The following JADE3 variants were observed in gnomAD, a reference collection of about 807,000 sequenced individuals.
The protein encoded by JADE3 is protein Jade-3.
A neutral mutation model predicts 50.1 loss-of-function variants in JADE3; 2 were observed. That is an observed-to-expected ratio of 0.04 (90% CI 0.02 to 0.13). The LOEUF is 0.13. Ranked by LOEUF, JADE3 falls within the 10% of genes least tolerant of loss-of-function variation. JADE3 has a pLI of 1.00. For missense variants in JADE3, 475 were observed against 634.4 expected (o/e 0.75, Z 2.70); for synonymous variants, 218 against 232.9 (o/e 0.94, Z 0.58).
chrX:46,966,053 C>T (rs2147122446), intron 1 of JADE3, among the ~76,000 whole-genome samples: 1 of 112,002 alleles, frequency 8.9e-6, no homozygotes, highest in Non-Finnish European at 1.9e-5. Flanking sequence ...AAAATGACAG[C>T]TGAGATGGGA....
chrX:46,973,440 A>G (rs1415777537), intron 1 of JADE3, among the ~76,000 whole-genome samples: 8 of 112,573 alleles, frequency 7.1e-5, no homozygotes, highest in Admixed American at 3.8e-4. Context: ...AACTTCTGCT[A>G]TCTCTTTCAA....
chrX:46,980,161 C>T (rs1462547688), intron 1 of JADE3, among the ~76,000 whole-genome samples: 1 of 110,455 alleles, frequency 9.1e-6, no homozygotes, highest in African/African-American at 3.3e-5. Context: ...ATTACAGGTG[C>T]GAGCCACCAT....
intron 1 of JADE3, among the ~76,000 whole-genome samples, chrX:46,933,575 G>C (rs1393781545): frequency 1.8e-5 from 2 of 111,679 alleles, no homozygotes; most frequent in East Asian, 5.6e-4. Flanking sequence ...ATCCAGGTGT[G>C]ATTCCCATTC....
At chrX:47,055,736 G>A (rs1929620859) in intron 9 of JADE3, among the ~76,000 whole-genome samples, 1 of 112,109 alleles carries the variant, frequency 8.9e-6, no homozygotes, top group Non-Finnish European at 1.9e-5. Context: ...AGCCAGCATT[G>A]CCATCATTCG....
At chrX:47,003,939 G>A (rs1297723596) in intron 4 of JADE3, among the ~76,000 whole-genome samples, 1 of 103,016 alleles carries the variant, frequency 9.7e-6, no homozygotes, top group African/African-American at 3.5e-5. Context: ...TATAAATAAT[G>A]TGAGAGACAG....
At chrX:46,967,210 A>C (rs1556349249) in intron 1 of JADE3, among the ~76,000 whole-genome samples, 1 of 112,299 alleles carries the variant, frequency 8.9e-6, no homozygotes, top group African/African-American at 3.2e-5. Flanking sequence ...GATGAAATTA[A>C]ACTGCAGATT....
At chrX:46,919,608 C>T (rs1372986115) in intron 1 of JADE3, among the ~76,000 whole-genome samples, 3 of 111,583 alleles carry the variant, frequency 2.7e-5, no homozygotes, top group Non-Finnish European at 5.6e-5. Flanking sequence ...TTGTGAAGAT[C>T]TCAGAAGTAA....
intron 1 of JADE3, among the ~76,000 whole-genome samples, chrX:46,923,003 G>A (rs1373685972): frequency 1.8e-5 from 2 of 110,829 alleles, no homozygotes; most frequent in Admixed American, 9.6e-5. Flanking sequence ...GTTGGCCTGT[G>A]TTTTTTTGTT....
chrX:47,009,779 C>T (rs1191325883), intron 4 of JADE3, among the ~76,000 whole-genome samples: 3 of 108,851 alleles, frequency 2.8e-5, no homozygotes, highest in Non-Finnish European at 5.7e-5. Context: ...CGCACACCAC[C>T]GTACCTGGCT....
rs891848828 is a variant in JADE3 at position 47,053,479 on chromosome X, G to A, written c.973-679G>A. ...TCGCCATGTTGCCCAAGCTGGTCTCGAACTCCTGGCCTCAAGTGATCCACC... is the reference window on the plus strand; with the variant it reads ...TCGCCATGTTGCCCAAGCTGGTCTCAAACTCCTGGCCTCAAGTGATCCACC... On this transcript the variant is annotated intron_variant, in intron 8 of 10. Coordinates refer to ENST00000614628, the MANE Select transcript of JADE3 (RefSeq NM_014735.5). Among the ~76,000 whole-genome samples the A allele has an allele frequency of 1.2e-4, 13 of 110,690 alleles. No homozygotes were observed. The South Asian group carries it at 1.5e-3, about 13-fold the overall frequency.
rs1226507722 is a variant in JADE3, at chrX:47,006,703, G to A, written c.284+8426G>A. On this transcript the variant is annotated intron_variant, in intron 4 of 10. Transcript: ENST00000614628. ...GCTTTTTTCTCGTTTCTAGTGTTGA[G>A]AACTTAATTTATTGATTTGAAGCTG... Among the ~76,000 whole-genome samples the A allele has an allele frequency of 1.0e-4, 11 of 109,756 alleles. 1 individual carries two copies. The highest frequency in any genetic ancestry group is 8.8e-4 in the Admixed American group (9 of 10,214).
At chrX:47,047,777 C>T (rs1275098261) in intron 8 of JADE3, among the ~76,000 whole-genome samples, 1 of 111,607 alleles carries the variant, frequency 9.0e-6, no homozygotes, top group Non-Finnish European at 1.9e-5. Flanking sequence ...TAAGTATATA[C>T]TGCAGTTTAA....
At chrX:47,047,373 T>A (rs782303741) in intron 8 of JADE3, among the ~76,000 whole-genome samples, 1 of 110,308 alleles carries the variant, frequency 9.1e-6, no homozygotes, top group East Asian at 2.8e-4. Flanking sequence ...TTGATGAAAC[T>A]CCGTCTCTAC....
chrX:47,058,619 A>C lies in JADE3; in HGVS notation c.2014A>C (p.Ser672Arg). 2 of 1,211,629 alleles carry C rather than the reference A, an allele frequency of 1.7e-6. No individual in the cohort carries two copies. The highest frequency in any genetic ancestry group is 2.2e-6 in the Non-Finnish European group (2 of 895,360). ...KFAKSNGLEG[S>R]WSGNVTQKDS... ...TGCCAAATCCAATGGCCTGGAGGGC[A>C]GCTGGTCTGGGAATGTCACCCAAAA... is the stretch of plus-strand genomic sequence containing the variant. The change falls in exon 11 of 11, where the codon AGC becomes CGC. Residue 672 changes from serine (S) to arginine (R), a missense_variant. Physicochemically the swap from Ser to Arg is moderately radical, Grantham distance 110 (BLOSUM62 -1). This residue lies in a region of JADE3 where 243 missense variants were observed against 238.2 expected (regional missense o/e 1.02). Transcript: ENST00000614628.
At position 46,979,554 on chromosome X, in the gene JADE3, A is replaced by T. The variant is rs376232206; in HGVS notation, c.-11-5330A>T. Among the ~76,000 whole-genome samples the T allele has an allele frequency of 4.5e-5, 5 of 111,823 alleles. No homozygotes were observed. The South Asian group carries it at 1.5e-3, about 33-fold the overall frequency. On this transcript the variant is annotated intron_variant, in intron 1 of 10. Coordinates refer to ENST00000614628, the MANE Select transcript of JADE3 (RefSeq NM_014735.5). ...ATATTCAGTGGGAACATAAACTTTCATTTCTCTGGGATAAATGCCCAGGAG... is the reference window on the plus strand; with the variant it reads ...ATATTCAGTGGGAACATAAACTTTCTTTTCTCTGGGATAAATGCCCAGGAG...
intron 1 of JADE3, among the ~76,000 whole-genome samples, chrX:46,973,147 G>T (rs1440957126): frequency 8.9e-6 from 1 of 112,543 alleles, no homozygotes; most frequent in Non-Finnish European, 1.9e-5. Context: ...CAAATAATTT[G>T]CTAACAAGTC....
At chrX:46,949,886 C>G (rs918398194) in intron 1 of JADE3, among the ~76,000 whole-genome samples, 14 of 111,475 alleles carry the variant, frequency 1.3e-4, no homozygotes, top group African/African-American at 4.2e-4. Context: ...TTCTGAGATT[C>G]ATCCATGATG....
At chrX:46,951,387 G>A (rs1325030998) in intron 1 of JADE3, among the ~76,000 whole-genome samples, 14 of 98,086 alleles carry the variant, frequency 1.4e-4, no homozygotes, top group African/African-American at 5.0e-4. Context: ...AGGAGTTCGA[G>A]ACCAGCCTGG....
intron 4 of JADE3, among the ~76,000 whole-genome samples, chrX:47,023,918 TAAAC>T (rs782545172): frequency 1.3e-4 from 14 of 111,704 alleles, no homozygotes; most frequent in Non-Finnish European, 1.9e-4. Context: ...AATAAATGAA[TAAAC>T]AAACAAACAA....
Sources: gnomAD v4.1 joint callset for allele counts (sites outside exome capture counted in the v4.1 genomes callset) on GRCh38, gnomAD v4.1.1 for gene constraint, gnomAD v4.1.1 regional missense constraint, MANE v1.5 for transcripts, NCBI Gene and HGNC (gene_info 2026-07-23, HGNC 2026-07-21) for gene names.